The following TMEM243 variants were observed in gnomAD, a reference collection of about 807,000 sequenced individuals.
TMEM243 encodes MDR1 and mitochondrial taxol resistance associated.
Under a neutral mutation model 15.0 loss-of-function variants are expected in TMEM243, and 20 were observed. The ratio of observed to expected loss-of-function variants is 1.33; its 90% CI spans 0.94 to 1.93. The LOEUF (loss-of-function observed/expected upper bound fraction) is 1.93. TMEM243 is among the 30% of genes most tolerant of loss of function. TMEM243 has a pLI of 0.00. For synonymous variants in TMEM243, 72 were observed against 52.7 expected (o/e 1.37, Z -1.59); for missense variants, 156 against 142.1 (o/e 1.10, Z -0.50).
At chr7:87,213,730 GACTA>G (rs1296561308) in intron 1 of TMEM243, among the ~76,000 whole-genome samples, 1 of 152,008 alleles carries the variant, frequency 6.6e-6, no homozygotes, top group Non-Finnish European at 1.5e-5. Flanking sequence ...TGAATTGCTT[GACTA>G]ACACTAATCA....
intron 1 of TMEM243, among the ~76,000 whole-genome samples, chr7:87,202,037 C>T (rs1440043610): frequency 4.6e-5 from 7 of 152,108 alleles, no homozygotes; most frequent in Admixed American, 2.0e-4. Flanking sequence ...TAAAGACAGA[C>T]GTTGTGTGCA....
At position 87,213,068 on chromosome 7, in the gene TMEM243, G is replaced by A. The variant is rs954285789; in HGVS notation, c.78+6358C>T. Among the ~76,000 whole-genome samples the A allele has an allele frequency of 2.6e-5, 4 of 152,210 alleles. 1 individual carries two copies. The highest frequency in any genetic ancestry group is 2.6e-4 in the Admixed American group (4 of 15,284). On this transcript the variant is annotated intron_variant, in intron 1 of 3. Transcript: ENST00000257637. ...TAGAGAAGAGAGGACACAGCAGAAA[G>A]GAGAACGACATTTATGAAGAGCAAA...
chr7:87,207,803 C>G (rs1802337450), intron 1 of TMEM243, among the ~76,000 whole-genome samples: 1 of 152,192 alleles, frequency 6.6e-6, no homozygotes, highest in African/African-American at 2.4e-5. Flanking sequence ...ACATCCCTTA[C>G]CAGGTGCTCA....
chr7:87,208,455 G>A (rs969405813), intron 1 of TMEM243, among the ~76,000 whole-genome samples: 8 of 152,172 alleles, frequency 5.3e-5, no homozygotes, highest in Non-Finnish European at 1.2e-4. Flanking sequence ...GGTTCCCATG[G>A]TTTTGGGCGG....
chr7:87,216,852 A>C (rs926953324), intron 1 of TMEM243: 1 of 152,216 alleles, frequency 6.6e-6, no homozygotes, highest in East Asian at 1.9e-4. Flanking sequence ...TGACTTCACT[A>C]TTCAACTCAT....
At position 87,198,062 on chromosome 7, in the gene TMEM243, T is replaced by C. The variant is rs1801487924; in HGVS notation, c.130-17A>G. The C allele has an allele frequency of 2.5e-6, 4 of 1,603,504 alleles. No homozygotes were observed. The South Asian group carries it at 3.3e-5, about 13-fold the overall frequency. On this transcript the variant is annotated splice_polypyrimidine_tract_variant and intron_variant, in intron 2 of 3. Transcript: ENST00000257637. ...CAGCGTTACCTGTATGAAGAGAAATTATGTAAGGCCTTAACAGTAATTCCA... is the reference window on the plus strand; with the variant it reads ...CAGCGTTACCTGTATGAAGAGAAATCATGTAAGGCCTTAACAGTAATTCCA...
chr7:87,206,203 G>A (rs528906894), intron 1 of TMEM243, among the ~76,000 whole-genome samples: 140 of 151,954 alleles, frequency 9.2e-4, no homozygotes, highest in African/African-American at 2.8e-3. Flanking sequence ...CCCACAACAC[G>A]TGGGAATTAT....
chr7:87,197,319 T>TATTA (rs111311151), intron 3 of TMEM243, among the ~76,000 whole-genome samples: 5,606 of 152,212 alleles, frequency 0.037, 125 homozygotes, highest in East Asian at 0.065. Context: ...AGCAAATTAC[T>TATTA]ATTGTTTTTT....
chr7:87,205,412 A>G (rs1256410779), intron 1 of TMEM243, among the ~76,000 whole-genome samples: 1 of 148,732 alleles, frequency 6.7e-6, no homozygotes, highest in Non-Finnish European at 1.5e-5. Flanking sequence ...GTTCTATTGT[A>G]CTGTCAGGCT....
intron 1 of TMEM243, chr7:87,202,859 C>G (rs1801916305): frequency 6.6e-6 from 1 of 152,206 alleles, no homozygotes; most frequent in Non-Finnish European, 1.5e-5. Context: ...GATACCTGGT[C>G]CCTTTCAGTT....
At chr7:87,220,265 C>T (rs1459480201), upstream of TMEM243, 1 of 153,246 alleles carries the variant, frequency 6.5e-6, no homozygotes, top group Non-Finnish European at 1.5e-5. Flanking sequence ...TCTCCCCGCG[C>T]TCTCTGCCGG....
At chr7:87,198,894 T>G (rs1584515232) in intron 2 of TMEM243, 113 bp downstream of exon 2, 1 of 928,612 alleles carries the variant, frequency 1.1e-6, no homozygotes, top group South Asian at 1.7e-5. Flanking sequence ...TGCAATTTTG[T>G]GGTAATAAAA....
chr7:87,219,122 C>A (rs1315544149), intron 1 of TMEM243, among the ~76,000 whole-genome samples: 1 of 152,168 alleles, frequency 6.6e-6, no homozygotes, highest in Non-Finnish European at 1.5e-5. Context: ...GGAGGTGCAG[C>A]TGTACAACCA....
rs375623786 is a variant in TMEM243, at chr7:87,202,475, T to C, written c.79-3418A>G. 3.3e-5 allele frequency among the ~76,000 whole-genome samples: 5 copies of C among 152,348 alleles called. No individual in the cohort carries two copies. In the East Asian group the frequency reaches 7.7e-4, roughly 23 times the overall value. ...GAAGAGCCTGGGCCTGACGGATTCATGTCTTTGTCTTCCTTTAGAATGAGG... is the reference window on the plus strand; with the variant it reads ...GAAGAGCCTGGGCCTGACGGATTCACGTCTTTGTCTTCCTTTAGAATGAGG... On this transcript the variant is annotated intron_variant, in intron 1 of 3. Transcript: ENST00000257637.
chr7:87,216,323 A>G (rs995339144), intron 1 of TMEM243, among the ~76,000 whole-genome samples: 1 of 151,432 alleles, frequency 6.6e-6, no homozygotes, highest in East Asian at 1.9e-4. Context: ...GAAGGCGCCT[A>G]TAGTCCCAGC....
chr7:87,197,902 A>G (rs1217718434), intron 3 of TMEM243, 39 bp downstream of exon 3: 5 of 1,612,106 alleles, frequency 3.1e-6, no homozygotes, highest in African/African-American at 1.3e-5. Context: ...TGCAACTTAA[A>G]CCCTCAAGAA....
chr7:87,200,486 C>T (rs1801713965), intron 1 of TMEM243, among the ~76,000 whole-genome samples: 1 of 152,172 alleles, frequency 6.6e-6, no homozygotes, highest in African/African-American at 2.4e-5. Flanking sequence ...ATCTGCTGCT[C>T]TCTGAGCGCC....
chr7:87,208,931 C>T (rs533807174), intron 1 of TMEM243, among the ~76,000 whole-genome samples: 46 of 152,384 alleles, frequency 3.0e-4, no homozygotes, highest in East Asian at 2.3e-3. Context: ...CTGCCAACCA[C>T]GATGGCTAGC....
At chr7:87,199,426 A>T (rs1445527938) in intron 1 of TMEM243, 1 of 193,632 alleles carries the variant, frequency 5.2e-6, no homozygotes, top group Non-Finnish European at 1.1e-5. Flanking sequence ...GGTTAAAGGT[A>T]TCAGGAACCG....
Sources: gnomAD v4.1 joint callset for allele counts (sites outside exome capture counted in the v4.1 genomes callset) on GRCh38, gnomAD v4.1.1 for gene constraint, MANE v1.5 for transcripts, NCBI Gene and HGNC (gene_info 2026-07-23, HGNC 2026-07-21) for gene names.